PTPRG: variants seen among roughly 807,000 people sequenced by gnomAD.
PTPRG encodes protein tyrosine phosphatase receptor type G.
A neutral mutation model predicts 165.3 loss-of-function variants in PTPRG; 102 were observed. The observed-to-expected ratio is 0.62, with a 90% CI of 0.53 to 0.73. The LOEUF is 0.73. Among genes scored for constraint, PTPRG ranks in the 30% least tolerant of loss-of-function variants. The pLI, the probability that PTPRG is intolerant of heterozygous loss-of-function variation, is 0.00. For missense variants in PTPRG, 1,866 were observed against 1,861.4 expected, an observed-to-expected ratio of 1.00 and a Z score of -0.05; for synonymous variants, 675 against 669.5, an observed-to-expected ratio of 1.01 and a Z score of -0.13.
chr3:61,961,198 G>A (rs2040145210), intron 2 of PTPRG, among the ~76,000 whole-genome samples: 5 of 152,072 alleles, frequency 3.3e-5, no homozygotes. Flanking sequence ...AAGGGGAAAG[G>A]GTGTGACTAA....
At chr3:61,833,296 T>C (rs919734909) in intron 2 of PTPRG, among the ~76,000 whole-genome samples, 5 of 152,214 alleles carry the variant, frequency 3.3e-5, no homozygotes, top group Non-Finnish European at 2.9e-5. Flanking sequence ...GGCAATTTGC[T>C]ACATCTGTCA....
intron 4 of PTPRG, among the ~76,000 whole-genome samples, chr3:62,010,370 T>TTGTGTGTGTGTGTGTGTGTGTG (rs35894531): frequency 1.2e-4 from 18 of 149,464 alleles, no homozygotes; most frequent in African/African-American, 3.7e-4. Flanking sequence ...CCCTCTCTTC[T>TTGTGTGTGTGTGTGTGTGTGTG]TGTGTGTGTG....
Position 61,896,946 on chromosome 3 carries a change from G to GTT in PTPRG, c.191-92670_191-92669dup, listed in dbSNP as rs34782719. 7.8e-4 allele frequency among the ~76,000 whole-genome samples: 116 copies of GTT among 147,954 alleles called. 1 individual carries two copies. Among genetic ancestry groups the GTT allele is most frequent in the East Asian group, 5.4e-3 (27 of 5,038 alleles). On this transcript the variant is annotated intron_variant, in intron 2 of 29. Coordinates refer to ENST00000474889, the MANE Select transcript of PTPRG (RefSeq NM_002841.4). ...CCTTCTTACTATTAAATTTTGAGAGGTTTTTTTTTTAATATATTCTGAATA... is the reference window on the plus strand; with the variant it reads ...CCTTCTTACTATTAAATTTTGAGAGGTTTTTTTTTTTTAATATATTCTGAATA...
chr3:62,210,290 C>T lies in PTPRG; in HGVS notation c.2155+6340C>T, dbSNP rs1700328408. Among the ~76,000 whole-genome samples, 1 of 152,188 alleles carries T rather than the reference C, an allele frequency of 6.6e-6. No individual in the cohort carries two copies. The highest frequency in any genetic ancestry group is 2.1e-4 in the South Asian group (1 of 4,828). ...ATTTGTAACTGATGAACAATCATTT[C>T]TCTGCAGCAGTGGTTTGGGTAACGT... On this transcript the variant is annotated intron_variant, in intron 12 of 29. Transcript: ENST00000474889. The surrounding 1 kb of genome is among the most constrained non-coding windows in gnomAD (Gnocchi z 4.1).
chr3:62,097,081 C>T (rs1702143431), intron 5 of PTPRG, among the ~76,000 whole-genome samples: 1 of 145,364 alleles, frequency 6.9e-6, no homozygotes, highest in Non-Finnish European at 1.6e-5. Flanking sequence ...AAGACACCCC[C>T]AGCCAGCCAT....
intron 2 of PTPRG, among the ~76,000 whole-genome samples, chr3:61,955,165 G>T (rs374806852): frequency 6.6e-6 from 1 of 152,204 alleles, no homozygotes; most frequent in African/African-American, 2.4e-5. Flanking sequence ...ATATGTCATA[G>T]CCTTGAACTT....
chr3:61,902,599 T>C (rs1322801019), intron 2 of PTPRG, among the ~76,000 whole-genome samples: 1 of 152,166 alleles, frequency 6.6e-6, no homozygotes, highest in East Asian at 1.9e-4. Flanking sequence ...AGATGTAAGT[T>C]GTAAAATATA....
chr3:61,583,393 G>C (rs534565276), intron 1 of PTPRG, among the ~76,000 whole-genome samples: 3 of 152,260 alleles, frequency 2.0e-5, no homozygotes, highest in Non-Finnish European at 2.9e-5. Context: ...GTGTCCTCAG[G>C]CCCCAGTACA....
intron 5 of PTPRG, among the ~76,000 whole-genome samples, chr3:62,097,595 A>G (rs1251336194): frequency 6.6e-6 from 1 of 152,220 alleles, no homozygotes; most frequent in East Asian, 1.9e-4. Context: ...ATGCATTCAA[A>G]AAACAAATTT....
intron 15 of PTPRG, among the ~76,000 whole-genome samples, chr3:62,244,355 G>C (rs767426484): frequency 2.0e-5 from 3 of 152,194 alleles, no homozygotes; most frequent in African/African-American, 4.8e-5. Context: ...TAAAGCACTT[G>C]GTTAGTGTTG....
intron 1 of PTPRG, among the ~76,000 whole-genome samples, chr3:61,658,315 T>TC (rs2107013653): frequency 6.6e-6 from 1 of 152,208 alleles, no homozygotes; most frequent in South Asian, 2.1e-4. Flanking sequence ...TGAGACGGTG[T>TC]CCTAGGACAG....
chr3:62,095,204 G>A (rs1702070713), intron 5 of PTPRG, among the ~76,000 whole-genome samples: 1 of 152,202 alleles, frequency 6.6e-6, no homozygotes, highest in African/African-American at 2.4e-5. Flanking sequence ...TTGTTAAGCA[G>A]ACAGTCTTGG....
At chr3:62,072,615 A>ATGTGTGTG (rs746425268) in intron 4 of PTPRG, among the ~76,000 whole-genome samples, 28 of 134,664 alleles carry the variant, frequency 2.1e-4, no homozygotes, top group African/African-American at 7.3e-4. Context: ...ATATATGTGT[A>ATGTGTGTG]TGTGTGTGTG....
At chr3:61,779,984 C>G (rs942767488) in intron 2 of PTPRG, among the ~76,000 whole-genome samples, 2 of 152,128 alleles carry the variant, frequency 1.3e-5, no homozygotes, top group Admixed American at 6.5e-5. Context: ...TCCTGGGTCA[C>G]CTCCCAAAGA....
At chr3:61,960,645 A>C (rs1202120714) in intron 2 of PTPRG, among the ~76,000 whole-genome samples, 1 of 152,120 alleles carries the variant, frequency 6.6e-6, no homozygotes, top group Non-Finnish European at 1.5e-5. Context: ...AATCATCCAG[A>C]TATGACAAGG....
At chr3:62,127,976 C>T (rs552354102) in intron 5 of PTPRG, among the ~76,000 whole-genome samples, 22 of 152,206 alleles carry the variant, frequency 1.4e-4, no homozygotes, top group Admixed American at 9.2e-4. Flanking sequence ...GAAAATGTTA[C>T]GAAGTTTAGA....
chr3:61,955,195 C>A (rs1002481923), intron 2 of PTPRG, among the ~76,000 whole-genome samples: 2 of 152,172 alleles, frequency 1.3e-5, no homozygotes, highest in South Asian at 4.1e-4. Flanking sequence ...CTGCTTCAGT[C>A]TTTTTCAGAC....
intron 5 of PTPRG, among the ~76,000 whole-genome samples, chr3:62,114,596 A>G (rs1576019266): frequency 6.6e-6 from 1 of 152,326 alleles, no homozygotes; most frequent in Middle Eastern, 3.4e-3. Flanking sequence ...AGTAAGAAGC[A>G]GAATAAGGAA....
At chr3:61,603,294 T>A (rs1405580582) in intron 1 of PTPRG, among the ~76,000 whole-genome samples, 1 of 152,128 alleles carries the variant, frequency 6.6e-6, no homozygotes, top group African/African-American at 2.4e-5. Context: ...GGAGTTTGGA[T>A]AATAGGGGCG....
Sources: allele counts gnomAD v4.1 joint callset (sites outside exome capture counted in the v4.1 genomes callset), GRCh38; gene constraint gnomAD v4.1.1; non-coding constraint Gnocchi (gnomAD v3.1); transcripts MANE v1.5; gene names NCBI Gene and HGNC (gene_info 2026-07-23, HGNC 2026-07-21).